Variants in AVEN observed in about 807,000 individuals in gnomAD.
AVEN encodes the protein cell death regulator Aven.
A neutral mutation model predicts 38.1 loss-of-function variants in AVEN; 41 were observed. That is an observed-to-expected ratio of 1.08 (90% confidence interval 0.84 to 1.40). The LOEUF (loss-of-function observed/expected upper bound fraction) is 1.40. AVEN is among the 40% of genes most tolerant of loss of function. The pLI is 0.00. For synonymous variants in AVEN, 206 were observed against 171.8 expected (o/e 1.20, Z -1.56); for missense variants, 605 against 438.8 (o/e 1.38, Z -3.38).
At chr15:34,039,240 G>A (rs1899350692), upstream of AVEN, 1 of 290,388 alleles carries the variant, frequency 3.4e-6, no homozygotes, top group African/African-American at 2.3e-5. Flanking sequence ...GCGTCCCGCA[G>A]GTGGGGCCGG....
chr15:33,941,300 T>G (rs188543199), intron 2 of AVEN, among the ~76,000 whole-genome samples: 2 of 148,764 alleles, frequency 1.3e-5, no homozygotes, highest in African/African-American at 4.9e-5. Context: ...ACTGAAACTG[T>G]TTTTTTTTTG....
At chr15:33,905,955 C>CG (rs1341060043) in intron 2 of AVEN, among the ~76,000 whole-genome samples, 1 of 152,180 alleles carries the variant, frequency 6.6e-6, no homozygotes. Context: ...TTCTAGGACA[C>CG]TGTCTTTCTT....
In AVEN at chr15:33,866,371, G is replaced by C; in HGVS notation, c.*242C>G. The C allele has an allele frequency of 1.8e-6, 1 of 545,942 alleles. No homozygotes were observed. Among genetic ancestry groups the C allele is most frequent in the South Asian group, 2.4e-5 (1 of 41,396 alleles). 33.8% of individuals were successfully genotyped at this position (545,942 alleles called of 1,614,324 possible). ...AAGGAGGCTAGAAACAAGGGCCAGA[G>C]TCTATCTCCTGCCCTTAAGGAAATC... On this transcript the variant is annotated 3_prime_UTR_variant, in exon 6 of 6. Coordinates refer to ENST00000306730, the MANE Select transcript of AVEN (RefSeq NM_020371.3).
intron 2 of AVEN, chr15:33,972,454 G>C (rs1895679096): frequency 6.6e-6 from 1 of 152,060 alleles, no homozygotes; most frequent in Non-Finnish European, 1.5e-5. Context: ...CTAGTATGAG[G>C]GCAGGGAGGG....
chr15:33,893,064 G>C (rs1006128354), intron 2 of AVEN, among the ~76,000 whole-genome samples: 2 of 152,190 alleles, frequency 1.3e-5, no homozygotes, highest in African/African-American at 4.8e-5. Context: ...TCTGCACATT[G>C]ATTTTGTATC....
In AVEN at chr15:33,889,359, A is replaced by G. The variant is rs887082374; in HGVS notation, c.446-13364T>C. Among the ~76,000 whole-genome samples, 14 of 152,216 alleles carry G rather than the reference A, an allele frequency of 9.2e-5. 1 individual carries two copies. The highest frequency in any genetic ancestry group is 9.2e-4 in the Admixed American group (14 of 15,272). On this transcript the variant is annotated intron_variant, in intron 2 of 5. Coordinates refer to ENST00000306730, the MANE Select transcript of AVEN (RefSeq NM_020371.3). Reference sequence around the variant, plus strand: ...GCCAAGATCATTTCTGTAAGTATCCAGCAGATTTCTTGCTTTTATTGCTCT... The same window carrying G: ...GCCAAGATCATTTCTGTAAGTATCCGGCAGATTTCTTGCTTTTATTGCTCT...
Position 34,038,927 on chromosome 15 carries a change from G to A in AVEN, c.120C>T (p.Gly40=). The A allele has an allele frequency of 9.1e-7, 1 of 1,100,560 alleles. No homozygotes were observed. Among genetic ancestry groups the A allele is most frequent in the Non-Finnish European group, 1.1e-6 (1 of 906,848 alleles). The allele number at this position is 1,100,560 out of a possible 1,614,324, so 68.2% of individuals were successfully genotyped here. ...GAAAAVARGG[G]GGGGGDGGGR... is the part of the protein sequence containing the mutation. Reference sequence around the variant, plus strand: ...CGCCTCCGTCCCCGCCGCCGCCTCCGCCGCCGCCTCTGGCTACCGCCGCTG... The same window carrying A: ...CGCCTCCGTCCCCGCCGCCGCCTCCACCGCCGCCTCTGGCTACCGCCGCTG... Residue 40 remains glycine (G), a synonymous_variant, in exon 1 of 6, where the codon GGC becomes GGT. Coordinates refer to ENST00000306730, the MANE Select transcript of AVEN (RefSeq NM_020371.3).
At chr15:33,977,846 A>G (rs540377770) in intron 2 of AVEN, among the ~76,000 whole-genome samples, 1 of 152,222 alleles carries the variant, frequency 6.6e-6, no homozygotes, top group South Asian at 2.1e-4. Flanking sequence ...CCAAGGCAGG[A>G]GGATTGCTTG....
chr15:34,073,652 C>G (rs1248005818), intron 1 of AVEN, among the ~76,000 whole-genome samples: 2 of 151,602 alleles, frequency 1.3e-5, no homozygotes, highest in Non-Finnish European at 2.9e-5. Flanking sequence ...TCCCGAGTAG[C>G]TGGGATAACA....
At chr15:33,965,002 G>GGTAAACTTGAACAAGTTAC (rs913056426) in intron 2 of AVEN, among the ~76,000 whole-genome samples, 1 of 151,982 alleles carries the variant, frequency 6.6e-6, no homozygotes, top group Non-Finnish European at 1.5e-5. Flanking sequence ...TTAATAACAG[G>GGTAAACTTGAACAAGTTAC]GTAAACTTGA....
chr15:34,011,632 G>A (rs1388526034), intron 1 of AVEN, among the ~76,000 whole-genome samples: 6 of 152,122 alleles, frequency 3.9e-5, no homozygotes, highest in Non-Finnish European at 8.8e-5. Flanking sequence ...AGGGAGGAGA[G>A]AGGCATCCCA....
At chr15:33,999,693 C>T (rs1320817549) in intron 2 of AVEN, among the ~76,000 whole-genome samples, 1 of 152,152 alleles carries the variant, frequency 6.6e-6, no homozygotes, top group East Asian at 1.9e-4. Context: ...CCTCTGGACC[C>T]AGCAACCACC....
chr15:33,934,359 C>CA (rs1222666281), intron 2 of AVEN, among the ~76,000 whole-genome samples: 2 of 152,170 alleles, frequency 1.3e-5, no homozygotes, highest in South Asian at 2.1e-4. Context: ...AACCTAGTCT[C>CA]AAAAAACAAA....
intron 2 of AVEN, among the ~76,000 whole-genome samples, chr15:33,918,192 G>T (rs140810317): frequency 3.9e-5 from 6 of 151,990 alleles, no homozygotes; most frequent in Non-Finnish European, 8.8e-5. Context: ...ATTCTCATAC[G>T]TATCTAAGCA....
At chr15:33,853,037 T>G in the AVEN span, 1 of 1,603,890 alleles carries the variant, frequency 6.2e-7, no homozygotes, top group Non-Finnish European at 8.5e-7. Flanking sequence ...TTTCGTTTTG[T>G]TTTTCAGATC....
At chr15:34,056,852 G>A (rs946476004) in intron 5 of AVEN, among the ~76,000 whole-genome samples, 7 of 152,102 alleles carry the variant, frequency 4.6e-5, no homozygotes, top group East Asian at 1.9e-4. Context: ...GCAACATAGC[G>A]AGACCCTATC....
chr15:33,879,444 C>T (rs374883895), intron 2 of AVEN, among the ~76,000 whole-genome samples: 2,259 of 150,372 alleles, frequency 0.015, 63 homozygotes, highest in African/African-American at 0.052. Flanking sequence ...GGAGATATAT[C>T]TAATGCTAAA....
chr15:33,967,196 C>T (rs1432146874), intron 2 of AVEN, among the ~76,000 whole-genome samples: 3 of 152,064 alleles, frequency 2.0e-5, no homozygotes, highest in Non-Finnish European at 4.4e-5. Flanking sequence ...CACTATAAAA[C>T]TAAAATTCAC....
At chr15:33,859,552 T>A (rs1307756810) in intron 11 of AVEN, 11 of 1,613,074 alleles carry the variant, frequency 6.8e-6, no homozygotes, top group Non-Finnish European at 9.3e-6. Context: ...TTTGCCTAAA[T>A]CCCCCTTATT....
Sources: gnomAD v4.1 joint callset for allele counts (sites outside exome capture counted in the v4.1 genomes callset) on GRCh38, gnomAD v4.1.1 for gene constraint, MANE v1.5 for transcripts, NCBI Gene and HGNC (gene_info 2026-07-23, HGNC 2026-07-21) for gene names.